The following SEPTIN7 variants were observed in gnomAD, a reference collection of about 807,000 sequenced individuals.
SEPTIN7 encodes septin 7.
Under a neutral mutation model 63.3 loss-of-function variants are expected in SEPTIN7, and 10 were observed. The ratio of observed to expected loss-of-function variants is 0.16; its 90% CI spans 0.10 to 0.27. The LOEUF (loss-of-function observed/expected upper bound fraction) is 0.27. Among genes scored for constraint, SEPTIN7 ranks in the 10% least tolerant of loss-of-function variants. The pLI is 1.00. For missense variants in SEPTIN7, 310 were observed against 521.0 expected, an observed-to-expected ratio of 0.59 and a Z score of 3.94; for synonymous variants, 131 against 165.3, an observed-to-expected ratio of 0.79 and a Z score of 1.59.
At chr7:35,886,594 T>C (rs1005495703) in intron 10 of SEPTIN7, among the ~76,000 whole-genome samples, 2 of 152,206 alleles carry the variant, frequency 1.3e-5, no homozygotes, top group African/African-American at 4.8e-5. Context: ...TTCCCCTCCC[T>C]ACCTGACTCC....
chr7:35,865,457 G>A (rs1785760566), intron 4 of SEPTIN7, among the ~76,000 whole-genome samples: 1 of 152,020 alleles, frequency 6.6e-6, no homozygotes, highest in Non-Finnish European at 1.5e-5. Context: ...TACTCATGTT[G>A]GGTGTAGTTC....
Position 35,806,648 on chromosome 7 carries a change from A to G in SEPTIN7, c.61+5378A>G, listed in dbSNP as rs115860333. ...CTTTATTCTAATCAAGATAGAGAATACTTCCACCATCCCAGAGTTTCTTGT... is the reference window on the plus strand; with the variant it reads ...CTTTATTCTAATCAAGATAGAGAATGCTTCCACCATCCCAGAGTTTCTTGT... On this transcript the variant is annotated intron_variant, in intron 1 of 13. Coordinates refer to ENST00000350320, the MANE Select transcript of SEPTIN7 (RefSeq NM_001788.6). 8.4e-3 allele frequency among the ~76,000 whole-genome samples: 1,286 copies of G among 152,356 alleles called. 16 individuals carry two copies. Among genetic ancestry groups the G allele is most frequent in the African/African-American group, 0.03 (1,254 of 41,580 alleles).
intron 4 of SEPTIN7, among the ~76,000 whole-genome samples, chr7:35,867,107 A>G (rs1785850779): frequency 6.6e-6 from 1 of 152,170 alleles, no homozygotes; most frequent in Admixed American, 6.6e-5. Context: ...TTCTTTCAGA[A>G]TGTTTCAAGT....
chr7:35,861,094 T>C (rs922418258), intron 3 of SEPTIN7, among the ~76,000 whole-genome samples: 6 of 152,192 alleles, frequency 3.9e-5, no homozygotes, highest in African/African-American at 1.4e-4. Flanking sequence ...TCAGTTCTGC[T>C]ATTGAACCTA....
Position 35,801,176 on chromosome 7 carries a change from C to G in SEPTIN7, c.-34C>G. ...GCCTTTGGAGAATCGGCGGGCTGCGCTCCGCTGGGGCTGGTCGCGGAGGGG... is the reference window on the plus strand; with the variant it reads ...GCCTTTGGAGAATCGGCGGGCTGCGGTCCGCTGGGGCTGGTCGCGGAGGGG... On this transcript the variant is annotated 5_prime_UTR_variant, in exon 1 of 14. Transcript: ENST00000350320. 6.8e-7 allele frequency: 1 copy of G among 1,465,780 alleles called. No homozygotes were observed. Among genetic ancestry groups the G allele is most frequent in the Non-Finnish European group, 9.0e-7 (1 of 1,105,472 alleles). The allele number at this position is 1,465,780 out of a possible 1,614,324, so 90.8% of individuals were successfully genotyped here.
At chr7:35,814,546 A>T (rs1788928491) in intron 1 of SEPTIN7, among the ~76,000 whole-genome samples, 1 of 152,038 alleles carries the variant, frequency 6.6e-6, no homozygotes, top group Admixed American at 6.5e-5. Flanking sequence ...ACTATTTCTC[A>T]TTACACTTTT....
intron 11 of SEPTIN7, among the ~76,000 whole-genome samples, chr7:35,894,951 C>T (rs1331767505): frequency 1.3e-5 from 2 of 152,104 alleles, no homozygotes; most frequent in African/African-American, 2.4e-5. Context: ...GAATTTTAAC[C>T]TTATAAAGAC....
At chr7:35,806,638 G>T (rs1404419104) in intron 1 of SEPTIN7, among the ~76,000 whole-genome samples, 1 of 152,190 alleles carries the variant, frequency 6.6e-6, no homozygotes, top group South Asian at 2.1e-4. Context: ...TTCTAATCAA[G>T]ATAGAGAATA....
chr7:35,858,007 A>G (rs758083903), intron 3 of SEPTIN7, among the ~76,000 whole-genome samples: 1 of 151,972 alleles, frequency 6.6e-6, no homozygotes, highest in Non-Finnish European at 1.5e-5. Context: ...CAGTGGTGTC[A>G]TCTCAGCTCA....
intron 1 of SEPTIN7, among the ~76,000 whole-genome samples, chr7:35,812,487 G>A (rs934736522): frequency 2.4e-4 from 36 of 152,106 alleles, no homozygotes; most frequent in African/African-American, 8.7e-4. Context: ...CACCATCAAC[G>A]TTAGTACTGG....
At chr7:35,802,694 A>G (rs763628) in intron 1 of SEPTIN7, among the ~76,000 whole-genome samples, 2,644 of 152,248 alleles carry the variant, frequency 0.017, 42 homozygotes, top group Middle Eastern at 0.027. Context: ...GATGAAATTT[A>G]TGGAATCCTG....
chr7:35,880,543 C>A (rs1371851347), intron 7 of SEPTIN7, among the ~76,000 whole-genome samples: 1 of 151,730 alleles, frequency 6.6e-6, no homozygotes, highest in Non-Finnish European at 1.5e-5. Flanking sequence ...CTGCTCAAAT[C>A]CTTTGTCTTT....
chr7:35,821,238 A>C (rs1002554036), intron 1 of SEPTIN7, among the ~76,000 whole-genome samples: 2 of 152,196 alleles, frequency 1.3e-5, no homozygotes, highest in Non-Finnish European at 2.9e-5. Flanking sequence ...GGATTCCTGC[A>C]AGCTTTTAGT....
At chr7:35,832,340 T>C (rs1243808748) in intron 2 of SEPTIN7, among the ~76,000 whole-genome samples, 4 of 152,118 alleles carry the variant, frequency 2.6e-5, no homozygotes, top group Non-Finnish European at 5.9e-5. Flanking sequence ...TTTCATTTCA[T>C]GAATAAGAAG....
At chr7:35,816,238 C>T (rs549876057) in intron 1 of SEPTIN7, among the ~76,000 whole-genome samples, 2 of 152,238 alleles carry the variant, frequency 1.3e-5, no homozygotes, top group South Asian at 4.1e-4. Context: ...AGTCCCCATC[C>T]CTTCTCTTCC....
At position 35,906,105 on chromosome 7, in the gene SEPTIN7, C is replaced by G. The variant is rs2116412544; in HGVS notation, c.*1812C>G. On this transcript the variant is annotated 3_prime_UTR_variant, in exon 14 of 14. Transcript: ENST00000350320. ...TTGGTTTTAGGGAGGCTAACAATAA[C>G]CTACTGAATTTGGAAAATGCAAAGG... 6.6e-6 allele frequency: 1 copy of G among 152,220 alleles called. No homozygotes were observed. Among genetic ancestry groups the G allele is most frequent in the South Asian group, 2.1e-4 (1 of 4,822 alleles). 9.4% of individuals were successfully genotyped at this position (152,220 alleles called of 1,614,324 possible).
chr7:35,898,595 A>G (rs1394059968), intron 12 of SEPTIN7: 2 of 451,012 alleles, frequency 4.4e-6, no homozygotes, highest in Admixed American at 3.5e-5. Flanking sequence ...GACGTAGTAT[A>G]TTAGGTAGGA....
chr7:35,867,962 T>C (rs528078325), intron 4 of SEPTIN7, among the ~76,000 whole-genome samples: 7 of 151,962 alleles, frequency 4.6e-5, no homozygotes, highest in Non-Finnish European at 1.0e-4. Context: ...AACCTCTGCT[T>C]CCTGGGCTCA....
chr7:35,867,145 A>G (rs956756837), intron 4 of SEPTIN7, among the ~76,000 whole-genome samples: 3 of 152,020 alleles, frequency 2.0e-5, no homozygotes, highest in African/African-American at 7.3e-5. Flanking sequence ...TGTTACCTCC[A>G]TTTTTTACTT....
Sources: allele counts gnomAD v4.1 joint callset (sites outside exome capture counted in the v4.1 genomes callset), GRCh38; gene constraint gnomAD v4.1.1; transcripts MANE v1.5; gene names NCBI Gene and HGNC (gene_info 2026-07-23, HGNC 2026-07-21).